RCOR1: variants seen among roughly 807,000 people sequenced by gnomAD.
The protein encoded by RCOR1 is REST corepressor 1.
A neutral mutation model predicts 64.0 loss-of-function variants in RCOR1; 12 were observed. The ratio of observed to expected loss-of-function variants is 0.19; its 90% CI spans 0.12 to 0.30. The LOEUF (loss-of-function observed/expected upper bound fraction) is 0.30, where lower values mean the gene tolerates loss of function less well. Among genes scored for constraint, RCOR1 ranks in the 10% least tolerant of loss-of-function variants. The pLI, the probability that RCOR1 is intolerant of heterozygous loss-of-function variation, is 1.00. For synonymous variants in RCOR1, 279 were observed against 227.2 expected (o/e 1.23, Z -2.05); for missense variants, 502 against 621.2 (o/e 0.81, Z 2.04).
chr14:102,701,546 G>C (rs369900784), intron 4 of RCOR1, among the ~76,000 whole-genome samples: 19 of 152,294 alleles, frequency 1.2e-4, no homozygotes, highest in African/African-American at 4.3e-4. Context: ...GTCATCTGCA[G>C]ATCTACAGCC....
intron 7 of RCOR1, among the ~76,000 whole-genome samples, chr14:102,714,098 C>G (rs953489270): frequency 1.3e-5 from 2 of 152,054 alleles, no homozygotes; most frequent in Admixed American, 1.3e-4. Context: ...GGCCACAAAA[C>G]TCATTAGCAG....
intron 2 of RCOR1, among the ~76,000 whole-genome samples, chr14:102,646,113 T>C (rs1244712015): frequency 6.6e-6 from 1 of 152,194 alleles, no homozygotes; most frequent in Non-Finnish European, 1.5e-5. Context: ...TTGGCCACAC[T>C]GTAAGAAGGT....
At chr14:102,600,695 C>T (rs1471561655) in intron 2 of RCOR1, among the ~76,000 whole-genome samples, 3 of 150,296 alleles carry the variant, frequency 2.0e-5, no homozygotes, top group East Asian at 2.0e-4. Flanking sequence ...CTCAGCCTCC[C>T]GAGTAGCTGG....
At chr14:102,724,580 G>T (rs1376354567) in intron 11 of RCOR1, among the ~76,000 whole-genome samples, 1 of 152,082 alleles carries the variant, frequency 6.6e-6, no homozygotes, top group African/African-American at 2.4e-5. Flanking sequence ...TGATCCGCTC[G>T]CCTCTGCCTC....
chr14:102,721,263 T>C, intron 9 of RCOR1, 57 bp from the exon 10 acceptor site: 1 of 1,467,616 alleles, frequency 6.8e-7, no homozygotes, highest in Middle Eastern at 1.7e-4. Context: ...GTTAAGCTCA[T>C]AAGGACATAC....
chr14:102,652,110 A>G (rs1894606147), intron 2 of RCOR1, among the ~76,000 whole-genome samples: 1 of 152,164 alleles, frequency 6.6e-6, no homozygotes, highest in Non-Finnish European at 1.5e-5. Context: ...CTTATGATTG[A>G]ATCTATTTGT....
At chr14:102,678,085 C>G (rs546417730) in intron 2 of RCOR1, among the ~76,000 whole-genome samples, 4 of 150,558 alleles carry the variant, frequency 2.7e-5, no homozygotes, top group Non-Finnish European at 4.4e-5. Flanking sequence ...CGCCTGCAAT[C>G]GCAGGCACTC....
chr14:102,651,575 A>G (rs118041421), intron 2 of RCOR1, among the ~76,000 whole-genome samples: 5,328 of 152,112 alleles, frequency 0.035, 146 homozygotes, highest in Non-Finnish European at 0.05. Context: ...GAAAAAGAAA[A>G]AAGAATTTGA....
chr14:102,592,677 G>A lies in RCOR1; in HGVS notation c.-210G>A, dbSNP rs1216104970. 8 of 1,228,378 alleles carry A rather than the reference G, an allele frequency of 6.5e-6. No individual in the cohort carries two copies. Among genetic ancestry groups the A allele is most frequent in the Non-Finnish European group, 7.1e-6 (7 of 985,896 alleles). 76.1% of individuals were successfully genotyped at this position (1,228,378 alleles called of 1,614,324 possible). On this transcript the variant is annotated 5_prime_UTR_variant, in exon 1 of 12. Transcript: ENST00000262241. ...GCCAGTGAAGTGAGGGCGGCGATGA[G>A]AGCGAAAGTTGCGCTCGGCTCGTCG...
chr14:102,644,588 A>G (rs1375074166), intron 2 of RCOR1, among the ~76,000 whole-genome samples: 1 of 151,920 alleles, frequency 6.6e-6, no homozygotes, highest in East Asian at 1.9e-4. Flanking sequence ...CAAGTTCAGC[A>G]TCTTGTCACC....
At chr14:102,675,378 A>G (rs1251732262) in intron 2 of RCOR1, among the ~76,000 whole-genome samples, 4 of 152,240 alleles carry the variant, frequency 2.6e-5, no homozygotes, top group African/African-American at 9.6e-5. Flanking sequence ...AGATTAATTT[A>G]TAAGTTAGAC....
chr14:102,623,827 C>A (rs1454569432), intron 2 of RCOR1, among the ~76,000 whole-genome samples: 1 of 151,456 alleles, frequency 6.6e-6, no homozygotes, highest in Non-Finnish European at 1.5e-5. Flanking sequence ...GAGGCCGAGG[C>A]AGGCGGATCA....
At chr14:102,621,125 A>G (rs1893862102) in intron 2 of RCOR1, among the ~76,000 whole-genome samples, 1 of 152,168 alleles carries the variant, frequency 6.6e-6, no homozygotes, top group South Asian at 2.1e-4. Flanking sequence ...GTGCACCACC[A>G]TGCCCAGCTA....
At chr14:102,642,188 C>G (rs892681568) in intron 2 of RCOR1, among the ~76,000 whole-genome samples, 1 of 151,850 alleles carries the variant, frequency 6.6e-6, no homozygotes, top group African/African-American at 2.4e-5. Context: ...CAGTTTCTTA[C>G]TCTAATTGAA....
chr14:102,655,902 G>A (rs1424063299), intron 2 of RCOR1: 2 of 839,424 alleles, frequency 2.4e-6, no homozygotes, highest in East Asian at 1.3e-4. Context: ...GCGGTCAGTC[G>A]AGATCGCGCC....
At chr14:102,697,723 AT>A (rs1347240556) in intron 3 of RCOR1, among the ~76,000 whole-genome samples, 349 of 140,754 alleles carry the variant, frequency 2.5e-3, no homozygotes, top group Middle Eastern at 3.7e-3. Context: ...TCTTCCAAGA[AT>A]TTTTTTTTTT....
intron 5 of RCOR1, 130 bp from the exon 6 acceptor site, chr14:102,708,335 C>G: frequency 5.0e-6 from 3 of 605,308 alleles, no homozygotes; most frequent in South Asian, 4.6e-5. Context: ...CTCCTGACCT[C>G]GTGATCCGCC....
chr14:102,720,020 C>T (rs1896145475), intron 8 of RCOR1, among the ~76,000 whole-genome samples: 1 of 152,154 alleles, frequency 6.6e-6, no homozygotes, highest in South Asian at 2.1e-4. Context: ...AGCATGGCAG[C>T]CAGCAGCCCC....
chr14:102,601,379 T>C (rs1025701390), intron 2 of RCOR1, among the ~76,000 whole-genome samples: 3 of 152,254 alleles, frequency 2.0e-5, no homozygotes, highest in African/African-American at 7.2e-5. Flanking sequence ...CCGCCTTCTT[T>C]CTTCATTAAT....
Sources: allele counts gnomAD v4.1 joint callset (sites outside exome capture counted in the v4.1 genomes callset), GRCh38; gene constraint gnomAD v4.1.1; transcripts MANE v1.5; gene names NCBI Gene and HGNC (gene_info 2026-07-23, HGNC 2026-07-21).